NKAIN2: variants seen among roughly 807,000 people sequenced by gnomAD.
NKAIN2 encodes the protein sodium/potassium transporting ATPase interacting 2, also known as sodium/potassium-transporting ATPase subunit beta-1-interacting protein 2.
In NKAIN2, 14 loss-of-function variants were observed where a neutral mutation model predicts 32.6. The observed-to-expected ratio is 0.43, with a 90% CI of 0.28 to 0.67. The LOEUF (loss-of-function observed/expected upper bound fraction) is 0.67. Ranked by LOEUF, NKAIN2 falls within the 30% of genes least tolerant of loss-of-function variation. NKAIN2 has a pLI of 0.17. For synonymous variants in NKAIN2, 80 were observed against 87.2 expected (o/e 0.92, Z 0.46); for missense variants, 198 against 258.3 (o/e 0.77, Z 1.60).
chr6:124,242,678 T>C (rs183012380), intron 1 of NKAIN2, among the ~76,000 whole-genome samples: 22 of 151,896 alleles, frequency 1.4e-4, no homozygotes, highest in African/African-American at 5.1e-4. Context: ...ATTAAGAAAA[T>C]GTGGACGTAT....
chr6:124,647,652 A>T (rs747062900), intron 3 of NKAIN2, among the ~76,000 whole-genome samples: 5 of 152,098 alleles, frequency 3.3e-5, no homozygotes, highest in Non-Finnish European at 7.3e-5. Context: ...GATGCAAAAT[A>T]CCAAAAGAAA....
At chr6:124,573,608 A>G (rs942789446) in intron 3 of NKAIN2, among the ~76,000 whole-genome samples, 1 of 152,132 alleles carries the variant, frequency 6.6e-6, no homozygotes, top group Non-Finnish European at 1.5e-5. Context: ...AAATCTTTTT[A>G]CAGCCTCACA....
intron 5 of NKAIN2, 76 bp from the exon 6 acceptor site, chr6:124,818,311 T>A: frequency 1.5e-6 from 1 of 660,568 alleles, no homozygotes; most frequent in African/African-American, 1.8e-5. Context: ...AAAGGTTTAT[T>A]AGTAATCTGT....
At chr6:124,041,369 C>T (rs1781865172) in intron 1 of NKAIN2, among the ~76,000 whole-genome samples, 1 of 152,002 alleles carries the variant, frequency 6.6e-6, no homozygotes. Flanking sequence ...GTTGGAGAGG[C>T]AGAAATTCTG....
chr6:123,882,145 T>C (rs1773484453), intron 1 of NKAIN2, among the ~76,000 whole-genome samples: 2 of 152,128 alleles, frequency 1.3e-5, no homozygotes, highest in African/African-American at 4.8e-5. Context: ...TATTACTCAC[T>C]TTTATGTTGT....
chr6:123,852,282 TC>T (rs1333849653), intron 1 of NKAIN2, among the ~76,000 whole-genome samples: 10 of 82,082 alleles, frequency 1.2e-4, no homozygotes, highest in Non-Finnish European at 2.5e-4. Flanking sequence ...TTCACAAACT[TC>T]TTTTTTTTTG....
chr6:124,696,264 T>C (rs145004753), intron 4 of NKAIN2, among the ~76,000 whole-genome samples: 222 of 152,196 alleles, frequency 1.5e-3, no homozygotes, highest in African/African-American at 5.1e-3. Flanking sequence ...CATGCGAATG[T>C]GAAGTGGGAG....
At chr6:124,763,829 T>C (rs1266007850) in intron 4 of NKAIN2, among the ~76,000 whole-genome samples, 1 of 152,202 alleles carries the variant, frequency 6.6e-6, no homozygotes, top group Non-Finnish European at 1.5e-5. Flanking sequence ...TTAAAGTGTA[T>C]ATAATTTAAA....
chr6:124,360,670 G>A (rs11154227), intron 3 of NKAIN2, among the ~76,000 whole-genome samples: 30,240 of 151,676 alleles, frequency 0.2, 3,116 homozygotes, highest in Admixed American at 0.28. Context: ...CAAAATGATG[G>A]GAATATAGTA....
At position 123,837,023 on chromosome 6, in the gene NKAIN2, C is replaced by A. The variant is rs1358664092; in HGVS notation, c.54+32769C>A. Among the ~76,000 whole-genome samples the A allele has an allele frequency of 2.0e-5, 3 of 152,168 alleles. No homozygotes were observed. The East Asian group carries it at 5.8e-4, about 29-fold the overall frequency. On this transcript the variant is annotated intron_variant, in intron 1 of 6. Coordinates refer to ENST00000368417, the MANE Select transcript of NKAIN2 (RefSeq NM_001040214.3). The stretch of plus-strand genomic sequence containing the variant: ...TTACATAAATCCGAGGTGTTTGTTA[C>A]ATTCATTCATATTGTAAAAGTAGCA...
chr6:124,632,158 A>AACAC (rs1490418310), intron 3 of NKAIN2, among the ~76,000 whole-genome samples: 1 of 152,190 alleles, frequency 6.6e-6, no homozygotes, highest in Admixed American at 6.5e-5. Flanking sequence ...TACAGCTGTG[A>AACAC]ACACACATCT....
At chr6:124,152,636 T>A (rs1044860402) in intron 1 of NKAIN2, among the ~76,000 whole-genome samples, 2 of 151,954 alleles carry the variant, frequency 1.3e-5, no homozygotes, top group Non-Finnish European at 2.9e-5. Flanking sequence ...AGAATTACCG[T>A]ATGATCCACC....
intron 1 of NKAIN2, among the ~76,000 whole-genome samples, chr6:124,014,372 A>C (rs955691074): frequency 6.6e-6 from 1 of 152,134 alleles, no homozygotes; most frequent in Non-Finnish European, 1.5e-5. Context: ...ATTAGTCTTC[A>C]GTATGTTGGC....
intron 1 of NKAIN2, among the ~76,000 whole-genome samples, chr6:123,945,015 T>C (rs1237154124): frequency 1.3e-5 from 2 of 152,102 alleles, no homozygotes; most frequent in African/African-American, 4.8e-5. Context: ...GATATAGGAA[T>C]ATTTTATATA....
intron 1 of NKAIN2, among the ~76,000 whole-genome samples, chr6:123,867,629 T>C (rs2114264059): frequency 6.6e-6 from 1 of 152,322 alleles, no homozygotes; most frequent in African/African-American, 2.4e-5. Flanking sequence ...TTCCATGCTG[T>C]TTTATACTAT....
At chr6:124,430,663 A>G (rs1185693566) in intron 3 of NKAIN2, among the ~76,000 whole-genome samples, 3 of 129,520 alleles carry the variant, frequency 2.3e-5, no homozygotes, top group African/African-American at 3.6e-5. Context: ...ACGAAGATGT[A>G]TATTTCAAAA....
rs539816264 is a variant in NKAIN2 at position 123,939,926 on chromosome 6, A to G, written c.54+135672A>G. 2.6e-5 allele frequency among the ~76,000 whole-genome samples: 4 copies of G among 152,122 alleles called. No individual in the cohort carries two copies. The South Asian group carries it at 8.3e-4, about 32-fold the overall frequency. ...ACTTAATTTTTATTCAACCATTTGC[A>G]AGAAGAAACCTGGAGCCTTCTTAAC... On this transcript the variant is annotated intron_variant, in intron 1 of 6. Transcript: ENST00000368417.
At chr6:124,522,940 G>C (rs1310561335) in intron 3 of NKAIN2, among the ~76,000 whole-genome samples, 4 of 150,548 alleles carry the variant, frequency 2.7e-5, no homozygotes, top group African/African-American at 9.9e-5. Flanking sequence ...TCAGGAGATC[G>C]AGACCATCCC....
Position 124,259,023 on chromosome 6 carries a change from G to T in NKAIN2, c.55-23982G>T, listed in dbSNP as rs761067466. Reference sequence around the variant, plus strand: ...AAGCACAGCCTCTCATCCAAGCTGGGTTTCCTGAGCCCATCTATATAAATG... The same window carrying T: ...AAGCACAGCCTCTCATCCAAGCTGGTTTTCCTGAGCCCATCTATATAAATG... On this transcript the variant is annotated intron_variant, in intron 1 of 6. Coordinates refer to ENST00000368417, the MANE Select transcript of NKAIN2 (RefSeq NM_001040214.3). Among the ~76,000 whole-genome samples the T allele has an allele frequency of 1.1e-4, 16 of 152,220 alleles. No homozygotes were observed. The East Asian group carries it at 1.5e-3, about 15-fold the overall frequency.
Sources: allele counts gnomAD v4.1 joint callset (sites outside exome capture counted in the v4.1 genomes callset), GRCh38; gene constraint gnomAD v4.1.1; transcripts MANE v1.5; gene names NCBI Gene and HGNC (gene_info 2026-07-23, HGNC 2026-07-21).